MICU3: variants seen among roughly 807,000 people sequenced by gnomAD.
The protein encoded by MICU3 is calcium uptake protein 3, mitochondrial.
Under a neutral mutation model 66.5 loss-of-function variants are expected in MICU3, and 62 were observed. The ratio of observed to expected loss-of-function variants is 0.93; its 90% CI spans 0.76 to 1.15. The LOEUF (loss-of-function observed/expected upper bound fraction) is 1.15. MICU3 is among the 50% of genes most tolerant of loss of function. MICU3 has a pLI of 0.00. For synonymous variants in MICU3, 308 were observed against 240.7 expected (o/e 1.28, Z -2.59); for missense variants, 779 against 664.4 (o/e 1.17, Z -1.90).
At chr8:17,096,934 C>A (rs554350986) in intron 8 of MICU3, among the ~76,000 whole-genome samples, 168 of 146,958 alleles carry the variant, frequency 1.1e-3, no homozygotes, top group African/African-American at 4.0e-3. Flanking sequence ...AATTTTAGTT[C>A]TTAATACGTT....
intron 1 of MICU3, among the ~76,000 whole-genome samples, chr8:17,062,304 C>A (rs558160291): frequency 6.6e-6 from 1 of 152,272 alleles, no homozygotes; most frequent in Admixed American, 6.5e-5. Context: ...TTAACCCATT[C>A]CGTTTCTCTG....
At chr8:17,128,793 C>A in the MICU3 span, among the ~76,000 whole-genome samples, 1 of 152,008 alleles carries the variant, frequency 6.6e-6, no homozygotes, top group Non-Finnish European at 1.5e-5. Flanking sequence ...AGAAATGGGA[C>A]CAGAGTTAAG....
intron 1 of MICU3, among the ~76,000 whole-genome samples, chr8:17,049,947 G>A (rs1815778954): frequency 6.6e-6 from 1 of 151,358 alleles, no homozygotes; most frequent in Non-Finnish European, 1.5e-5. Context: ...TGTGTATCTT[G>A]TGACTGTTTC....
intron 1 of MICU3, chr8:17,049,535 G>T: frequency 2.0e-6 from 1 of 506,266 alleles, no homozygotes; most frequent in South Asian, 1.5e-5. Flanking sequence ...TTTTATAGTT[G>T]AAAATGCTAA....
chr8:17,112,871 G>C (rs1036337778), intron 11 of MICU3, among the ~76,000 whole-genome samples: 1 of 152,154 alleles, frequency 6.6e-6, no homozygotes, highest in Non-Finnish European at 1.5e-5. Flanking sequence ...TTGGCAACAA[G>C]CTCTCCACAT....
In MICU3 at chr8:17,036,963, C is replaced by T. The variant is rs372986791; in HGVS notation, c.381+9303C>T. On this transcript the variant is annotated intron_variant, in intron 1 of 14. Transcript: ENST00000318063. ...GCTGCAGGTCCCGAGTCCTGCCCCGCGGGAAGGCAGCTAAGGCTCGGCGAG... is the reference window on the plus strand; with the variant it reads ...GCTGCAGGTCCCGAGTCCTGCCCCGTGGGAAGGCAGCTAAGGCTCGGCGAG... 1.8e-3 allele frequency among the ~76,000 whole-genome samples: 273 copies of T among 152,320 alleles called. 7 individuals carry two copies. In the South Asian group the frequency reaches 0.049, roughly 27 times the overall value.
intron 9 of MICU3, among the ~76,000 whole-genome samples, chr8:17,101,561 A>G (rs1031857971): frequency 6.6e-6 from 1 of 151,882 alleles, no homozygotes. Flanking sequence ...TGCTCTGATC[A>G]GTGGGCAGGA....
chr8:17,077,106 G>A (rs1202384681), intron 3 of MICU3, among the ~76,000 whole-genome samples: 2 of 152,186 alleles, frequency 1.3e-5, no homozygotes, highest in Admixed American at 1.3e-4. Flanking sequence ...TAGTTTCCGA[G>A]CAGCAGTGAT....
At position 17,121,268 on chromosome 8, in the gene MICU3, T is replaced by C. The variant is rs139650159; in HGVS notation, c.*981T>C. The C allele has an allele frequency of 2.0e-5, 3 of 152,020 alleles. No homozygotes were observed. The East Asian group carries it at 5.8e-4, about 29-fold the overall frequency. The allele number at this position is 152,020 out of a possible 1,614,324, so 9.4% of individuals were successfully genotyped here. ...TGTATATATTAAGTAGAAGCTAATATTTTTGTTTCTTGCAAAAGGACCACT... is the reference window on the plus strand; with the variant it reads ...TGTATATATTAAGTAGAAGCTAATACTTTTGTTTCTTGCAAAAGGACCACT... On this transcript the variant is annotated 3_prime_UTR_variant, in exon 15 of 15. Transcript: ENST00000318063.
At chr8:17,113,099 CA>C (rs1802353130) in intron 11 of MICU3, among the ~76,000 whole-genome samples, 1 of 152,126 alleles carries the variant, frequency 6.6e-6, no homozygotes, top group African/African-American at 2.4e-5. Flanking sequence ...TAACATATAC[CA>C]AAAGCTGAGT....
intron 11 of MICU3, among the ~76,000 whole-genome samples, chr8:17,109,026 A>G (rs559501467): frequency 1.3e-5 from 2 of 152,036 alleles, no homozygotes; most frequent in Non-Finnish European, 2.9e-5. Flanking sequence ...TCGTTATGCT[A>G]TTTCTCAATG....
intron 1 of MICU3, among the ~76,000 whole-genome samples, chr8:17,029,364 T>C (rs1811612710): frequency 6.6e-6 from 1 of 152,046 alleles, no homozygotes; most frequent in African/African-American, 2.4e-5. Context: ...TAATCCCAGC[T>C]ACTGGCAAGG....
the MICU3 span, chr8:17,132,207 T>G: frequency 1.3e-5 from 2 of 152,234 alleles, no homozygotes; most frequent in Non-Finnish European, 1.5e-5. Flanking sequence ...GAGGAAAATG[T>G]GAGCATATAT....
At chr8:17,131,400 G>GA in the MICU3 span, 1 of 20,208 alleles carries the variant, frequency 4.9e-5, no homozygotes, top group Non-Finnish European at 8.8e-5. Flanking sequence ...GGTGCCAGGG[G>GA]GGCCATCCAC....
intron 9 of MICU3, among the ~76,000 whole-genome samples, chr8:17,101,372 A>G (rs1452656935): frequency 6.6e-6 from 1 of 151,810 alleles, no homozygotes; most frequent in African/African-American, 2.4e-5. Flanking sequence ...GGACACTGGT[A>G]TAGTTTTCAG....
At chr8:17,036,496 C>A (rs1813016860) in intron 1 of MICU3, among the ~76,000 whole-genome samples, 1 of 152,096 alleles carries the variant, frequency 6.6e-6, no homozygotes, top group African/African-American at 2.4e-5. Flanking sequence ...CCTGTTTTGT[C>A]AGGGTGCTGA....
At chr8:17,041,735 G>A (rs778856558) in intron 1 of MICU3, among the ~76,000 whole-genome samples, 1 of 152,172 alleles carries the variant, frequency 6.6e-6, no homozygotes, top group South Asian at 2.1e-4. Flanking sequence ...CCCAAGGAAA[G>A]AGTTTAATCT....
At chr8:17,047,759 T>C (rs976025412) in intron 1 of MICU3, among the ~76,000 whole-genome samples, 2 of 152,142 alleles carry the variant, frequency 1.3e-5, no homozygotes, top group African/African-American at 4.8e-5. Context: ...TTTATTTTCA[T>C]AAGAGACTGA....
At chr8:17,055,569 T>C (rs1258199422) in intron 1 of MICU3, among the ~76,000 whole-genome samples, 1 of 152,192 alleles carries the variant, frequency 6.6e-6, no homozygotes, top group African/African-American at 2.4e-5. Flanking sequence ...TTCTCTTCAG[T>C]TGAAGGTGAG....
Sources: gnomAD v4.1 joint callset for allele counts (sites outside exome capture counted in the v4.1 genomes callset) on GRCh38, gnomAD v4.1.1 for gene constraint, MANE v1.5 for transcripts, NCBI Gene and HGNC (gene_info 2026-07-23, HGNC 2026-07-21) for gene names.